SMAD6: variants seen among roughly 807,000 people sequenced by gnomAD.
SMAD6 encodes SMAD family member 6.
SMAD6 carries 103 observed loss-of-function variants against 39.4 expected under a neutral mutation model. The observed-to-expected ratio is 2.62, with a 90% CI of 2.23 to 3.08. The LOEUF (loss-of-function observed/expected upper bound fraction) is 3.08, where lower values mean the gene tolerates loss of function less well. SMAD6 is among the 30% of genes most tolerant of loss of function. The probability of loss-of-function intolerance (pLI) is 0.00; values close to 1 mark genes in which losing one functional copy is unlikely to be tolerated. For missense variants in SMAD6, 1,104 were observed against 742.9 expected (o/e 1.49, Z -5.65); for synonymous variants, 445 against 353.3 (o/e 1.26, Z -2.91).
At chr15:66,720,875 C>G (rs1177026934) in intron 3 of SMAD6, among the ~76,000 whole-genome samples, 1 of 152,132 alleles carries the variant, frequency 6.6e-6, no homozygotes, top group Non-Finnish European at 1.5e-5. Flanking sequence ...GGAACCTTGG[C>G]CCTCTGTGCC....
intron 3 of SMAD6, among the ~76,000 whole-genome samples, chr15:66,760,049 G>T (rs189465560): frequency 2.3e-3 from 343 of 152,174 alleles, no homozygotes; most frequent in Non-Finnish European, 4.1e-3. Context: ...GTGTGCCTCT[G>T]CCCATGCCGT....
intron 3 of SMAD6, among the ~76,000 whole-genome samples, chr15:66,765,124 C>G (rs1894266221): frequency 6.6e-6 from 1 of 152,222 alleles, no homozygotes; most frequent in Admixed American, 6.5e-5. Context: ...GCCCTCACCC[C>G]TGTTATCCCC....
At chr15:66,738,645 C>T (rs1012216363) in intron 3 of SMAD6, among the ~76,000 whole-genome samples, 13 of 152,186 alleles carry the variant, frequency 8.5e-5, no homozygotes, top group African/African-American at 2.9e-4. Flanking sequence ...ATGTTGCACC[C>T]AGGCTTCCAA....
At chr15:66,736,287 G>A (rs148006584) in intron 3 of SMAD6, among the ~76,000 whole-genome samples, 254 of 152,320 alleles carry the variant, frequency 1.7e-3, no homozygotes, top group African/African-American at 5.8e-3. Flanking sequence ...GAGTTGTAGC[G>A]TGATGTGTCC....
In SMAD6 at chr15:66,781,200, A is replaced by G; in HGVS notation, c.1156A>G (p.Lys386Glu). The G allele has an allele frequency of 6.2e-7, 1 of 1,608,474 alleles. No individual in the cohort carries two copies. The highest frequency in any genetic ancestry group is 8.5e-7 in the Non-Finnish European group (1 of 1,179,750). Residue 386 changes from lysine to glutamate, a missense_variant, in exon 4 of 4, where the codon AAG (lysine) becomes GAG (glutamate). Coordinates refer to ENST00000288840, the MANE Select transcript of SMAD6 (RefSeq NM_005585.5). ...CGAGTCGGTGCGGCGAACGCGCAGCAAGATCGGCTTCGGCATCCTGCTCAG... is the reference window on the plus strand; with the variant it reads ...CGAGTCGGTGCGGCGAACGCGCAGCGAGATCGGCTTCGGCATCCTGCTCAG... ...RSESVRRTRS[K>E]IGFGILLSKE...
At chr15:66,711,606 T>G (rs117452956) in intron 1 of SMAD6, 62 bp from the exon 2 acceptor site, 1 of 1,254,386 alleles carries the variant, frequency 8.0e-7, no homozygotes, top group Admixed American at 1.7e-5. Flanking sequence ...ATTAAAAGCA[T>G]GTAGAACCTG....
chr15:66,704,189 C>G, intron 1 of SMAD6, 114 bp downstream of exon 1: 1 of 873,018 alleles, frequency 1.1e-6, no homozygotes, highest in Non-Finnish European at 1.6e-6. Flanking sequence ...CCCCGGGTGC[C>G]CTTGGAGCGT....
In SMAD6 at chr15:66,747,270, G is replaced by A. The variant is rs538671581; in HGVS notation, c.952+30772G>A. 6.6e-6 allele frequency among the ~76,000 whole-genome samples: 1 copy of A among 152,340 alleles called. No homozygotes were observed. Among genetic ancestry groups the A allele is most frequent in the Non-Finnish European group, 1.5e-5 (1 of 68,030 alleles). ...GCCAGCGGGATATGGATGGGCCATG[G>A]GCCTCTGGCTGCCAAGGCCTGGCCT... On this transcript the variant is annotated intron_variant, in intron 3 of 3. Coordinates refer to ENST00000288840, the MANE Select transcript of SMAD6 (RefSeq NM_005585.5). The surrounding 1 kb of genome is among the most constrained non-coding windows in gnomAD (Gnocchi z 4.5).
At chr15:66,714,026 T>C (rs1893280940) in intron 2 of SMAD6, among the ~76,000 whole-genome samples, 1 of 152,214 alleles carries the variant, frequency 6.6e-6, no homozygotes, top group Non-Finnish European at 1.5e-5. Context: ...CTCGGAGGCC[T>C]GTCTCAGCAT....
chr15:66,725,852 A>C (rs1167920535), intron 3 of SMAD6, among the ~76,000 whole-genome samples: 1 of 152,186 alleles, frequency 6.6e-6, no homozygotes, highest in Non-Finnish European at 1.5e-5. Context: ...GGCACCCAGC[A>C]GGCACCGCTG....
At chr15:66,744,707 C>T (rs901525175) in intron 3 of SMAD6, among the ~76,000 whole-genome samples, 3 of 152,206 alleles carry the variant, frequency 2.0e-5, no homozygotes, top group Non-Finnish European at 4.4e-5. Flanking sequence ...TCTGTGGGAC[C>T]AATGAATCCA....
chr15:66,711,722 T>C lies in SMAD6; in HGVS notation c.872T>C (p.Leu291Pro), dbSNP rs768096418. The C allele has an allele frequency of 2.1e-5, 34 of 1,612,402 alleles. No individual in the cohort carries two copies. Among genetic ancestry groups the C allele is most frequent in the Non-Finnish European group, 2.7e-5 (32 of 1,179,098 alleles). ...TCTCCTCGCGACGAGTACAAGCCAC[T>C]GGGTAAGTGTGCCCTCCTTCCTACC... The part of the protein sequence containing the change: ...RLSPRDEYKP[L>P]DLSDSTLSYT... The change falls in exon 2 of 4, where the codon CTG becomes CCG. Residue 291 changes from leucine to proline, a missense_variant and splice_region_variant. Transcript: ENST00000288840.
chr15:66,778,257 G>A (rs1435020766), intron 3 of SMAD6, among the ~76,000 whole-genome samples: 2 of 151,990 alleles, frequency 1.3e-5, no homozygotes, highest in Non-Finnish European at 2.9e-5. Flanking sequence ...ATTTTTAAAA[G>A]TTTTTTTAGA....
intron 3 of SMAD6, among the ~76,000 whole-genome samples, chr15:66,728,319 T>C (rs1057423790): frequency 6.6e-6 from 1 of 152,244 alleles, no homozygotes; most frequent in Admixed American, 6.5e-5. Flanking sequence ...TTGAACCCGA[T>C]GCACACAGAG....
intron 3 of SMAD6, among the ~76,000 whole-genome samples, chr15:66,756,206 G>A (rs951097814): frequency 6.6e-6 from 1 of 152,040 alleles, no homozygotes; most frequent in African/African-American, 2.4e-5. Flanking sequence ...AGCTAGGAGT[G>A]GGGGGTGCCT....
chr15:66,718,564 G>C (rs988176870), intron 3 of SMAD6, among the ~76,000 whole-genome samples: 1 of 152,242 alleles, frequency 6.6e-6, no homozygotes, highest in East Asian at 1.9e-4. Flanking sequence ...AAGGACTTTG[G>C]TGTGAGTTCT....
chr15:66,718,025 A>AGATG (rs1324778023), intron 3 of SMAD6, among the ~76,000 whole-genome samples: 1 of 152,056 alleles, frequency 6.6e-6, no homozygotes, highest in African/African-American at 2.4e-5. Context: ...GCCAGCCCTC[A>AGATG]GATGGATTCC....
At chr15:66,756,244 T>TC (rs1894097552) in intron 3 of SMAD6, among the ~76,000 whole-genome samples, 1 of 148,394 alleles carries the variant, frequency 6.7e-6, no homozygotes, top group African/African-American at 2.5e-5. Flanking sequence ...TTTAAAAAAA[T>TC]TTTTTTTTTT....
At chr15:66,714,671 G>A (rs1428485538) in intron 2 of SMAD6, among the ~76,000 whole-genome samples, 1 of 152,156 alleles carries the variant, frequency 6.6e-6, no homozygotes. Context: ...ACTTGCAGAT[G>A]GAGTTCTTCC....
Sources: gnomAD v4.1 joint callset for allele counts (sites outside exome capture counted in the v4.1 genomes callset) on GRCh38, gnomAD v4.1.1 for gene constraint, Gnocchi (gnomAD v3.1) non-coding constraint, MANE v1.5 for transcripts, NCBI Gene and HGNC (gene_info 2026-07-23, HGNC 2026-07-21) for gene names.